The following ADCY8 variants were observed in gnomAD, a reference collection of about 807,000 sequenced individuals.
ADCY8 encodes adenylate cyclase 8.
ADCY8 carries 51 observed loss-of-function variants against 119.7 expected under a neutral mutation model. The ratio of observed to expected loss-of-function variants is 0.43; its 90% CI spans 0.34 to 0.54. The LOEUF (loss-of-function observed/expected upper bound fraction) is 0.54, where lower values mean the gene tolerates loss of function less well. ADCY8 is among the 20% of genes least tolerant of loss of function. The pLI is 0.03. For missense variants in ADCY8, 1,383 were observed against 1,598.8 expected, an observed-to-expected ratio of 0.87 and a Z score of 2.30; for synonymous variants, 665 against 651.0, an observed-to-expected ratio of 1.02 and a Z score of -0.33.
Position 130,870,861 on chromosome 8 carries a change from G to A in ADCY8, c.2110-2915C>T, listed in dbSNP as rs1173768319. On this transcript the variant is annotated intron_variant, in intron 8 of 17. Transcript: ENST00000286355. ...TTTAGATTTGTCACTATTTTATTGT[G>A]AGCAAAGCCAATTTCTTTGAACCTC... Among the ~76,000 whole-genome samples, 3 of 152,144 alleles carry A rather than the reference G, an allele frequency of 2.0e-5. No individual in the cohort carries two copies. In the East Asian group the frequency reaches 5.8e-4, roughly 29 times the overall value.
chr8:131,021,991 A>C (rs186400144), intron 1 of ADCY8, among the ~76,000 whole-genome samples: 113 of 152,290 alleles, frequency 7.4e-4, no homozygotes, highest in African/African-American at 2.6e-3. Context: ...TACTTTCAGG[A>C]ATATAAGTAG....
Position 130,950,273 on chromosome 8 carries a change from A to G in ADCY8, c.1241+1595T>C, listed in dbSNP as rs554795758. Among the ~76,000 whole-genome samples the G allele has an allele frequency of 3.9e-5, 6 of 152,362 alleles. No individual in the cohort carries two copies. The East Asian group carries it at 1.2e-3, about 29-fold the overall frequency. On this transcript the variant is annotated intron_variant, in intron 3 of 17. Coordinates refer to ENST00000286355, the MANE Select transcript of ADCY8 (RefSeq NM_001115.3). ...TGAAAATGCCAGAGACTTGCTTTCC[A>G]GGCACTTAAAGAAAATGACTGGGCT...
intron 13 of ADCY8, among the ~76,000 whole-genome samples, chr8:130,814,974 C>G (rs1816291193): frequency 6.6e-6 from 1 of 152,154 alleles, no homozygotes; most frequent in African/African-American, 2.4e-5. Flanking sequence ...TATTGGAGCC[C>G]TAACCCCCAA....
At chr8:130,993,643 G>C (rs993986410) in intron 1 of ADCY8, among the ~76,000 whole-genome samples, 1 of 152,144 alleles carries the variant, frequency 6.6e-6, no homozygotes, top group Non-Finnish European at 1.5e-5. Flanking sequence ...GGTTTTATGA[G>C]AGATTTCTTC....
chr8:131,007,152 TA>T (rs1164866575), intron 1 of ADCY8, among the ~76,000 whole-genome samples: 1 of 152,130 alleles, frequency 6.6e-6, no homozygotes, highest in African/African-American at 2.4e-5. Flanking sequence ...CTCTTTTAGT[TA>T]AAAAAAGCAC....
rs370091359 is a variant in ADCY8 at position 130,937,055 on chromosome 8, A to G, written c.1481+18T>C. 6.2e-7 allele frequency: 1 copy of G among 1,602,736 alleles called. No individual in the cohort carries two copies. The highest frequency in any genetic ancestry group is 1.3e-5 in the African/African-American group (1 of 74,678). On this transcript the variant is annotated intron_variant, in intron 5 of 17. Coordinates refer to ENST00000286355, the MANE Select transcript of ADCY8 (RefSeq NM_001115.3). ...GCACATTGAAGACCCAGGTAACATG[A>G]TGGGGATCACAAATTACCTGATGGT...
intron 11 of ADCY8, among the ~76,000 whole-genome samples, chr8:130,843,036 C>T (rs571713127): frequency 2.0e-5 from 3 of 151,886 alleles, no homozygotes; most frequent in African/African-American, 7.2e-5. Context: ...TTGTTAAATC[C>T]TAGATATTTT....
rs1000825952 is a variant in ADCY8 at position 130,814,111 on chromosome 8, G to T, written c.2871C>A (p.Ser957Arg). ...NENMLRNILPSHVARHFLEKD... is the reference protein window; with the variant it reads ...NENMLRNILPRHVARHFLEKD... Reference sequence around the variant, plus strand: ...TCTCTAGGAAATGGCGGGCCACATGGCTGGGTAAGATATTCCGGAGCATGT... The same window carrying T: ...TCTCTAGGAAATGGCGGGCCACATGTCTGGGTAAGATATTCCGGAGCATGT... Residue 957 changes from serine to arginine, a missense_variant, in exon 14 of 18, where the codon AGC becomes AGA. This residue lies in a region of ADCY8 where 928 missense variants were observed against 1,163.5 expected (regional missense o/e 0.80). Coordinates refer to ENST00000286355, the MANE Select transcript of ADCY8 (RefSeq NM_001115.3). 1 of 1,614,150 alleles carries T rather than the reference G, an allele frequency of 6.2e-7. No individual in the cohort carries two copies. Among genetic ancestry groups the T allele is most frequent in the African/African-American group, 1.3e-5 (1 of 75,020 alleles).
chr8:130,802,735 C>T (rs537097308), intron 14 of ADCY8, among the ~76,000 whole-genome samples: 1 of 152,348 alleles, frequency 6.6e-6, no homozygotes, highest in Admixed American at 6.5e-5. Context: ...GTTCAAGTGT[C>T]AACCCTTGTG....
intron 7 of ADCY8, among the ~76,000 whole-genome samples, chr8:130,894,800 T>C (rs185730136): frequency 6.6e-6 from 1 of 152,298 alleles, no homozygotes; most frequent in East Asian, 1.9e-4. Flanking sequence ...GGAAGACCCT[T>C]GTGTTTGTGT....
At chr8:131,008,807 T>A (rs534501429) in intron 1 of ADCY8, among the ~76,000 whole-genome samples, 2 of 152,206 alleles carry the variant, frequency 1.3e-5, no homozygotes, top group Admixed American at 1.3e-4. Flanking sequence ...GATAGTGATA[T>A]GGACAATGAA....
chr8:130,829,977 G>A (rs1439722127), intron 12 of ADCY8, among the ~76,000 whole-genome samples: 1 of 152,118 alleles, frequency 6.6e-6, no homozygotes, highest in Admixed American at 6.6e-5. Flanking sequence ...ACCCCAGGAG[G>A]AGCCCTAGCT....
chr8:131,028,635 T>C (rs576705458), intron 1 of ADCY8, among the ~76,000 whole-genome samples: 1 of 152,358 alleles, frequency 6.6e-6, no homozygotes, highest in South Asian at 2.1e-4. Context: ...TTCCATTCTC[T>C]AAAATCTGAC....
At chr8:130,919,295 T>C (rs947417278) in intron 5 of ADCY8, among the ~76,000 whole-genome samples, 6 of 151,886 alleles carry the variant, frequency 4.0e-5, no homozygotes, top group Non-Finnish European at 8.8e-5. Flanking sequence ...ATTATTTAAC[T>C]CACACTCGCA....
chr8:131,031,553 G>A (rs554255696), intron 1 of ADCY8, among the ~76,000 whole-genome samples: 2 of 152,250 alleles, frequency 1.3e-5, no homozygotes, highest in East Asian at 1.9e-4. Context: ...AATCCCAAAC[G>A]TTACAGTGGG....
chr8:130,803,430 C>T (rs935706152), intron 14 of ADCY8, among the ~76,000 whole-genome samples: 2 of 152,286 alleles, frequency 1.3e-5, no homozygotes, highest in South Asian at 4.1e-4. Flanking sequence ...AAACCACATG[C>T]CATTCATCTT....
At position 131,039,541 on chromosome 8, in the gene ADCY8, C is replaced by A. The variant is rs1002374680; in HGVS notation, c.793G>T (p.Gly265Trp). 2 of 1,613,684 alleles carry A rather than the reference C, an allele frequency of 1.2e-6. No individual in the cohort carries two copies. Among genetic ancestry groups the A allele is most frequent in the African/African-American group, 2.7e-5 (2 of 74,926 alleles). ...TQILAAGLGY[G>W]LLGDGIGYVL... Reference sequence around the variant, plus strand: ...TAGCCTATGCCGTCGCCCAGGAGCCCGTAGCCGAGGCCTGCTGCCAGGATC... The same window carrying A: ...TAGCCTATGCCGTCGCCCAGGAGCCAGTAGCCGAGGCCTGCTGCCAGGATC... Residue 265 changes from glycine to tryptophan, a missense_variant, in exon 1 of 18, where the codon GGG becomes TGG. Transcript: ENST00000286355.
At chr8:130,976,308 A>G (rs1009172674) in intron 2 of ADCY8, among the ~76,000 whole-genome samples, 1 of 152,166 alleles carries the variant, frequency 6.6e-6, no homozygotes, top group Non-Finnish European at 1.5e-5. Flanking sequence ...CTTAACCATC[A>G]TTGGCTTGAT....
intron 14 of ADCY8, among the ~76,000 whole-genome samples, chr8:130,804,057 GC>G (rs1815867410): frequency 6.6e-6 from 1 of 152,186 alleles, no homozygotes; most frequent in African/African-American, 2.4e-5. Context: ...CCACGAAGGA[GC>G]CTGACTGTGC....
Sources: gnomAD v4.1 joint callset for allele counts (sites outside exome capture counted in the v4.1 genomes callset) on GRCh38, gnomAD v4.1.1 for gene constraint, gnomAD v4.1.1 regional missense constraint, MANE v1.5 for transcripts, NCBI Gene and HGNC (gene_info 2026-07-23, HGNC 2026-07-21) for gene names.